Variants in ZNF385D observed in about 807,000 individuals in gnomAD.
ZNF385D encodes zinc finger protein 659.
Under a neutral mutation model 35.8 loss-of-function variants are expected in ZNF385D, and 15 were observed. The observed-to-expected ratio is 0.42, with a 90% CI of 0.28 to 0.64. ZNF385D has a LOEUF of 0.64. ZNF385D is among the 30% of genes least tolerant of loss of function. The pLI, the probability that ZNF385D is intolerant of heterozygous loss-of-function variation, is 0.23. For missense variants in ZNF385D, 474 were observed against 494.6 expected (o/e 0.96, Z 0.39); for synonymous variants, 212 against 186.8 (o/e 1.13, Z -1.10).
intron 3 of ZNF385D, among the ~76,000 whole-genome samples, chr3:21,983,059 G>C (rs1256728282): frequency 6.6e-6 from 1 of 151,640 alleles, no homozygotes; most frequent in Non-Finnish European, 1.5e-5. Flanking sequence ...TTCTTTTTTT[G>C]TTGTGTCTTT....
intron 1 of ZNF385D, among the ~76,000 whole-genome samples, chr3:21,741,833 G>C (rs558454717): frequency 6.6e-6 from 1 of 151,986 alleles, no homozygotes; most frequent in Admixed American, 6.6e-5. Context: ...GGAATCTCAG[G>C]GTTCCTGCCC....
intron 1 of ZNF385D, among the ~76,000 whole-genome samples, chr3:21,696,155 T>G (rs543514295): frequency 4.0e-4 from 61 of 152,214 alleles, no homozygotes; most frequent in Non-Finnish European, 7.6e-4. Flanking sequence ...TGAAGTGTTT[T>G]CAGAGTAGAG....
At chr3:22,035,392 A>C (rs1162238586) in intron 3 of ZNF385D, among the ~76,000 whole-genome samples, 1 of 152,212 alleles carries the variant, frequency 6.6e-6, no homozygotes, top group East Asian at 1.9e-4. Context: ...TGTTGCACTA[A>C]ATCCAAGTAT....
intron 2 of ZNF385D, among the ~76,000 whole-genome samples, chr3:21,650,576 A>C (rs1045192332): frequency 6.6e-6 from 1 of 152,226 alleles, no homozygotes; most frequent in African/African-American, 2.4e-5. Flanking sequence ...AAATTTTTAA[A>C]AAATCCTCTG....
chr3:22,240,183 CAA>C (rs66663088), intron 2 of ZNF385D, among the ~76,000 whole-genome samples: 15 of 16,166 alleles, frequency 9.3e-4, no homozygotes, highest in African/African-American at 2.1e-3. Context: ...ACCCTGTCTC[CAA>C]AAAAAAAAAA....
chr3:21,845,019 T>TTTATTTA (rs370199576), intron 3 of ZNF385D, among the ~76,000 whole-genome samples: 10,651 of 151,772 alleles, frequency 0.07, 549 homozygotes, highest in East Asian at 0.21. Flanking sequence ...TGTAAATAAA[T>TTTATTTA]AAGAGAAGAA....
At chr3:21,812,906 C>T (rs1575697354) in intron 3 of ZNF385D, among the ~76,000 whole-genome samples, 1 of 152,174 alleles carries the variant, frequency 6.6e-6, no homozygotes, top group South Asian at 2.1e-4. Context: ...TCAAGTGGGT[C>T]CCTGACCCCT....
chr3:22,114,323 A>G (rs78934972), intron 3 of ZNF385D, among the ~76,000 whole-genome samples: 2,062 of 152,252 alleles, frequency 0.014, 44 homozygotes, highest in African/African-American at 0.046. Flanking sequence ...TGATACGTAG[A>G]AAACTGATAA....
At chr3:21,786,467 G>T (rs952514656) in intron 3 of ZNF385D, among the ~76,000 whole-genome samples, 1 of 152,014 alleles carries the variant, frequency 6.6e-6, no homozygotes, top group East Asian at 1.9e-4. Context: ...GGGATATAGT[G>T]CCTCCAGAAA....
Position 22,208,982 on chromosome 3 carries a change from G to T in ZNF385D, c.107-39947C>A, listed in dbSNP as rs181978281. ...TTATATTTCCACTTGCAGATTCCAAGGTGATCCCCCACTTTATGAGACTAT... is the reference window on the plus strand; with the variant it reads ...TTATATTTCCACTTGCAGATTCCAATGTGATCCCCCACTTTATGAGACTAT... On this transcript the variant is annotated intron_variant, in intron 2 of 5. Coordinates refer to the ZNF385D transcript ENST00000494108. Among the ~76,000 whole-genome samples the T allele has an allele frequency of 2.1e-3, 320 of 151,910 alleles. 2 individuals are homozygous for T. The highest frequency in any genetic ancestry group is 7.3e-3 in the African/African-American group (304 of 41,510).
intron 3 of ZNF385D, among the ~76,000 whole-genome samples, chr3:21,786,875 A>G (rs1040947262): frequency 6.6e-5 from 10 of 152,222 alleles, no homozygotes; most frequent in African/African-American, 2.4e-4. Context: ...TCCTAAGCCC[A>G]TGTGAAGTAG....
At chr3:22,076,337 C>A (rs899617978) in intron 3 of ZNF385D, among the ~76,000 whole-genome samples, 1 of 151,922 alleles carries the variant, frequency 6.6e-6, no homozygotes, top group Non-Finnish European at 1.5e-5. Context: ...TCACTTCGGT[C>A]CAGTCTCTCT....
intron 2 of ZNF385D, among the ~76,000 whole-genome samples, chr3:21,635,689 G>A (rs947046155): frequency 4.6e-5 from 7 of 152,010 alleles, no homozygotes; most frequent in African/African-American, 7.2e-5. Flanking sequence ...CGAATTTGTA[G>A]TCTTTTATTC....
intron 1 of ZNF385D, among the ~76,000 whole-genome samples, chr3:21,714,963 G>C (rs1346447769): frequency 6.6e-6 from 1 of 152,174 alleles, no homozygotes; most frequent in African/African-American, 2.4e-5. Flanking sequence ...CCCTTGGCAA[G>C]AACAGCTATA....
At chr3:22,314,084 C>T (rs1238204761) in intron 2 of ZNF385D, among the ~76,000 whole-genome samples, 1 of 152,042 alleles carries the variant, frequency 6.6e-6, no homozygotes, top group Non-Finnish European at 1.5e-5. Flanking sequence ...TATAATTCCC[C>T]TAAAGACACT....
intron 3 of ZNF385D, among the ~76,000 whole-genome samples, chr3:22,013,445 G>A (rs1455163094): frequency 1.3e-5 from 2 of 152,034 alleles, no homozygotes; most frequent in Non-Finnish European, 2.9e-5. Flanking sequence ...ATGCTTTTAT[G>A]TTTTGTACTG....
At chr3:22,306,994 G>A (rs1057440831) in intron 2 of ZNF385D, among the ~76,000 whole-genome samples, 1 of 152,108 alleles carries the variant, frequency 6.6e-6, no homozygotes, top group Non-Finnish European at 1.5e-5. Context: ...GTTTCAAGAA[G>A]GTAACATAAT....
intron 3 of ZNF385D, among the ~76,000 whole-genome samples, chr3:22,008,859 T>C (rs1696385132): frequency 6.6e-6 from 1 of 152,152 alleles, no homozygotes. Context: ...ATATGAAGAA[T>C]TGTAAATGTT....
intron 3 of ZNF385D, among the ~76,000 whole-genome samples, chr3:21,953,436 G>A (rs73131394): frequency 0.019 from 2,836 of 151,768 alleles, 102 homozygotes; most frequent in African/African-American, 0.063. Flanking sequence ...TATTCCTTAT[G>A]CTATATTTGA....
Sources: gnomAD v4.1 joint callset for allele counts (sites outside exome capture counted in the v4.1 genomes callset) on GRCh38, gnomAD v4.1.1 for gene constraint, MANE v1.5 for transcripts, NCBI Gene and HGNC (gene_info 2026-07-23, HGNC 2026-07-21) for gene names.